Variants in CAST observed in about 807,000 individuals in gnomAD.
CAST encodes calpastatin, also known as MIR583 host.
Under a neutral mutation model 119.6 loss-of-function variants are expected in CAST, and 76 were observed. That is an observed-to-expected ratio of 0.64 (90% CI 0.53 to 0.77). The LOEUF is 0.77. Among genes scored for constraint, CAST ranks in the 30% least tolerant of loss-of-function variants. CAST has a pLI of 0.00. For missense variants in CAST, 953 were observed against 946.5 expected, an observed-to-expected ratio of 1.01 and a Z score of -0.09; for synonymous variants, 319 against 331.6, an observed-to-expected ratio of 0.96 and a Z score of 0.41.
At chr5:96,589,179 C>T (rs1247525438) in intron 1 of CAST, among the ~76,000 whole-genome samples, 1 of 152,172 alleles carries the variant, frequency 6.6e-6, no homozygotes, top group Non-Finnish European at 1.5e-5. Context: ...CCCCACTCTT[C>T]AATTTATGTT....
chr5:96,002,349 G>T, the CAST span, among the ~76,000 whole-genome samples: 2 of 152,150 alleles, frequency 1.3e-5, no homozygotes, highest in African/African-American at 4.8e-5. Context: ...AGGATTCCTG[G>T]CTCTCTTGTC....
chr5:96,698,199 C>CT (rs1039855029), intron 3 of CAST, among the ~76,000 whole-genome samples: 45 of 151,910 alleles, frequency 3.0e-4, no homozygotes, highest in African/African-American at 9.4e-4. Flanking sequence ...TTCCATGTTT[C>CT]TTTTTTTTAA....
chr5:96,036,484 A>C, the CAST span, among the ~76,000 whole-genome samples: 1 of 152,122 alleles, frequency 6.6e-6, no homozygotes. Context: ...TTTACTGAGT[A>C]CCTCCTGAGG....
chr5:95,967,983 T>C, the CAST span, among the ~76,000 whole-genome samples: 7 of 152,194 alleles, frequency 4.6e-5, no homozygotes, highest in African/African-American at 1.4e-4. Flanking sequence ...AGGGTATGTA[T>C]CACTCACTTG....
the CAST span, among the ~76,000 whole-genome samples, chr5:96,222,325 C>T: frequency 2.0e-5 from 3 of 152,054 alleles, no homozygotes; most frequent in African/African-American, 7.2e-5. Flanking sequence ...AAGAGACAAC[C>T]TGTTGAATGG....
intron 1 of CAST, among the ~76,000 whole-genome samples, chr5:96,619,515 C>G (rs777999948): frequency 6.6e-5 from 10 of 152,368 alleles, no homozygotes; most frequent in African/African-American, 1.4e-4. Context: ...CAGCAACCTG[C>G]TGGGTCCTCT....
chr5:96,356,971 A>G, the CAST span, among the ~76,000 whole-genome samples: 1 of 152,110 alleles, frequency 6.6e-6, no homozygotes, highest in Non-Finnish European at 1.5e-5. Context: ...TGAGCATGAA[A>G]TGTTTTTCCA....
At chr5:96,656,247 T>C (rs1748157328) in intron 1 of CAST, among the ~76,000 whole-genome samples, 1 of 152,246 alleles carries the variant, frequency 6.6e-6, no homozygotes, top group Non-Finnish European at 1.5e-5. Flanking sequence ...TTGTATACTC[T>C]ATGCATATTC....
chr5:96,741,089 C>T (rs1762567164), intron 13 of CAST, 177 bp from the exon 14 acceptor site: 2 of 598,704 alleles, frequency 3.3e-6, no homozygotes, highest in East Asian at 5.6e-5. Context: ...GAAAATAATA[C>T]TCAATGAGTA....
At chr5:96,398,949 A>G in the CAST span, 1 of 1,612,902 alleles carries the variant, frequency 6.2e-7, no homozygotes, top group Middle Eastern at 1.7e-4. Flanking sequence ...CAAATTGTAC[A>G]TGCTCCAGGG....
chr5:96,743,953 T>TA (rs1263662607), intron 16 of CAST, among the ~76,000 whole-genome samples: 1 of 152,126 alleles, frequency 6.6e-6, no homozygotes, highest in African/African-American at 2.4e-5. Flanking sequence ...CCAAGCTTCT[T>TA]ACAGACACTT....
At chr5:96,064,255 T>C in the CAST span, among the ~76,000 whole-genome samples, 1 of 152,190 alleles carries the variant, frequency 6.6e-6, no homozygotes, top group Non-Finnish European at 1.5e-5. Flanking sequence ...AAAGCCATGC[T>C]TGGTTCTCTT....
upstream of CAST, among the ~76,000 whole-genome samples, chr5:96,658,217 T>C (rs988372508): frequency 6.6e-6 from 1 of 152,146 alleles, no homozygotes; most frequent in Non-Finnish European, 1.5e-5. Context: ...GTTTAGTAAG[T>C]TCATTACCAT....
the CAST span, among the ~76,000 whole-genome samples, chr5:96,491,766 C>G: frequency 6.6e-6 from 1 of 152,100 alleles, no homozygotes; most frequent in African/African-American, 2.4e-5. Context: ...CAATGTCTAT[C>G]AACAGTAGAA....
intron 1 of CAST, among the ~76,000 whole-genome samples, chr5:96,552,308 C>T (rs1022570429): frequency 3.3e-5 from 5 of 152,158 alleles, no homozygotes; most frequent in Non-Finnish European, 7.3e-5. Flanking sequence ...CAACCTGCTC[C>T]TGAACGACTA....
chr5:96,388,891 A>G, the CAST span, among the ~76,000 whole-genome samples: 1 of 152,112 alleles, frequency 6.6e-6, no homozygotes, highest in African/African-American at 2.4e-5. Context: ...ATATATACAT[A>G]TATATACACA....
the CAST span, among the ~76,000 whole-genome samples, chr5:96,369,443 C>A: frequency 6.6e-6 from 1 of 152,152 alleles, no homozygotes; most frequent in East Asian, 1.9e-4. Flanking sequence ...GAAGGTCTGG[C>A]AGCCCTTAGC....
intron 1 of CAST, among the ~76,000 whole-genome samples, chr5:96,550,709 G>C (rs1315103761): frequency 6.6e-6 from 1 of 152,222 alleles, no homozygotes; most frequent in African/African-American, 2.4e-5. Context: ...AGCCAGTGTA[G>C]AGAAGAGCTT....
chr5:96,349,318 G>A, the CAST span, among the ~76,000 whole-genome samples: 1 of 151,540 alleles, frequency 6.6e-6, no homozygotes, highest in Non-Finnish European at 1.5e-5. Context: ...TGGGCATTAA[G>A]AGTTCACCAT....
Sources: allele counts gnomAD v4.1 joint callset (sites outside exome capture counted in the v4.1 genomes callset), GRCh38; gene constraint gnomAD v4.1.1; transcripts MANE v1.5; gene names NCBI Gene and HGNC (gene_info 2026-07-23, HGNC 2026-07-21).